Variants in CHD8 observed in about 807,000 individuals in gnomAD.
The protein encoded by CHD8 is chromodomain helicase DNA binding protein 8, also known as ATP-dependent chromatin remodeler CHD8.
Under a neutral mutation model 279.2 loss-of-function variants are expected in CHD8, and 31 were observed. That is an observed-to-expected ratio of 0.11 (90% CI 0.08 to 0.15). The LOEUF is 0.15. CHD8 is among the 10% of genes least tolerant of loss of function. CHD8 has a pLI of 1.00. For missense variants in CHD8, 2,146 were observed against 3,230.5 expected (o/e 0.66, Z 8.14); for synonymous variants, 1,081 against 1,139.6 (o/e 0.95, Z 1.04).
chr14:21,397,966 G>C lies in CHD8; in HGVS notation c.4922-14C>G. 1 of 1,591,672 alleles carries C rather than the reference G, an allele frequency of 6.3e-7. No individual in the cohort carries two copies. The highest frequency in any genetic ancestry group is 8.6e-7 in the Non-Finnish European group (1 of 1,167,442). ...ATTTCTCATAGCCTAGAAGAAAAAG[G>C]GTCATAGTTGAAGAAAATGAGATTT... On this transcript the variant is annotated splice_polypyrimidine_tract_variant and intron_variant, in intron 26 of 37. Coordinates refer to ENST00000646647, the MANE Select transcript of CHD8 (RefSeq NM_001170629.2).
Position 21,426,229 on chromosome 14 carries a change from C to T in CHD8, c.1615G>A (p.Val539Ile). The T allele has an allele frequency of 3.8e-6, 6 of 1,588,594 alleles. No individual in the cohort carries two copies. Among genetic ancestry groups the T allele is most frequent in the Non-Finnish European group, 5.2e-6 (6 of 1,161,664 alleles). Residue 539 changes from valine to isoleucine, a missense_variant, in exon 5 of 38, where the codon GTA (valine) becomes ATA (isoleucine). Physicochemically the swap from Val to Ile is conservative, Grantham distance 29. This residue lies in a region of CHD8 where 123 missense variants were observed against 169.2 expected (regional missense o/e 0.73). Coordinates refer to ENST00000646647, the MANE Select transcript of CHD8 (RefSeq NM_001170629.2). ...TTACGTTTTCTCTTCTTACCCACTA[C>T]AGGAGTGATGGTGCTAAAAAGGAAA... ...GKSKLNTITP[V>I]VGKKRKRNTS...
intron 1 of CHD8, among the ~76,000 whole-genome samples, chr14:21,452,670 T>C (rs1890284914): frequency 6.7e-6 from 1 of 149,178 alleles, no homozygotes; most frequent in Non-Finnish European, 1.5e-5. Flanking sequence ...GAAAACTTCA[T>C]ACAACAATCC....
At chr14:21,399,823 C>A in intron 25 of CHD8, 118 bp from the exon 26 acceptor site, 1 of 929,676 alleles carries the variant, frequency 1.1e-6, no homozygotes, top group Non-Finnish European at 1.8e-6. Context: ...CATGCATCTA[C>A]CCTATTTCCT....
chr14:21,447,072 T>C (rs1262439755), intron 1 of CHD8, among the ~76,000 whole-genome samples: 4 of 152,202 alleles, frequency 2.6e-5, no homozygotes, highest in African/African-American at 9.6e-5. Context: ...GCCAAAGCAA[T>C]GGCTTCCCTC....
intron 26 of CHD8, chr14:21,399,379 A>C (rs760797968): frequency 2.1e-5 from 11 of 516,116 alleles, no homozygotes; most frequent in Non-Finnish European, 3.9e-5. Context: ...AACAGATGGG[A>C]GGCTCCCTAC....
At position 21,415,360 on chromosome 14, in the gene CHD8, C is replaced by T. The variant is rs925071978; in HGVS notation, c.1968+214G>A. The T allele has an allele frequency of 1.8e-4, 59 of 333,894 alleles. 1 individual carries two copies. In the East Asian group the frequency reaches 2.9e-3, roughly 17 times the overall value. The allele number at this position is 333,894 out of a possible 1,614,324, so 20.7% of individuals were successfully genotyped here. The stretch of plus-strand genomic sequence containing the variant: ...AATATTAAGATAGAGAAAAGCCAGG[C>T]GCAGTGGTGCACAATGGTAGTCCCA... On this transcript the variant is annotated intron_variant, in intron 7 of 37. Coordinates refer to ENST00000646647, the MANE Select transcript of CHD8 (RefSeq NM_001170629.2).
At position 21,403,817 on chromosome 14, in the gene CHD8, G is replaced by A. The variant is rs1343240671; in HGVS notation, c.3308-154C>T. Reference sequence around the variant, plus strand: ...TTTCAGCACAAAAAAGTCTTAAATCGGCTGGGTACGGTGGCTCATGCCTGT... The same window carrying A: ...TTTCAGCACAAAAAAGTCTTAAATCAGCTGGGTACGGTGGCTCATGCCTGT... On this transcript the variant is annotated intron_variant, in intron 16 of 37. Coordinates refer to ENST00000646647, the MANE Select transcript of CHD8 (RefSeq NM_001170629.2). The surrounding 1 kb of genome is among the most constrained non-coding windows in gnomAD (Gnocchi z 4.3). Among the ~76,000 whole-genome samples, 2 of 152,128 alleles carry A rather than the reference G, an allele frequency of 1.3e-5. No homozygotes were observed. The highest frequency in any genetic ancestry group is 2.1e-4 in the South Asian group (1 of 4,822).
Position 21,413,542 on chromosome 14 carries a change from C to T in CHD8, c.2143-546G>A, listed in dbSNP as rs552128395. The stretch of plus-strand genomic sequence containing the variant: ...CCCGAGTAGCTGGGATTACAGGTGC[C>T]CGCCACTATGACCGGCTAATTTTTG... On this transcript the variant is annotated intron_variant, in intron 9 of 37. Transcript: ENST00000646647. 2.3e-3 allele frequency among the ~76,000 whole-genome samples: 350 copies of T among 151,912 alleles called. 1 individual carries two copies. Among genetic ancestry groups the T allele is most frequent in the Non-Finnish European group, 4.0e-3 (274 of 67,888 alleles).
At chr14:21,392,935 A>G (rs1887613753) in intron 33 of CHD8, 126 bp from the exon 34 acceptor site, 1 of 1,229,248 alleles carries the variant, frequency 8.1e-7, no homozygotes, top group Non-Finnish European at 1.1e-6. Flanking sequence ...GAGGAAGTTA[A>G]TACTATTAAG....
At chr14:21,440,731 GACA>G (rs747556734) in intron 1 of CHD8, among the ~76,000 whole-genome samples, 3 of 152,302 alleles carry the variant, frequency 2.0e-5, no homozygotes, top group Non-Finnish European at 4.4e-5. Context: ...AAGCCGAAGG[GACA>G]GGTAAGGGCC....
intron 1 of CHD8, among the ~76,000 whole-genome samples, chr14:21,455,388 C>A (rs1999139): frequency 0.94 from 142,304 of 152,174 alleles, 66,713 homozygotes; most frequent in African/African-American, 0.98. Flanking sequence ...CTATCAGTGA[C>A]GAGTTTACAT....
chr14:21,428,321 C>T, intron 3 of CHD8, 67 bp from the exon 4 acceptor site: 1 of 1,468,554 alleles, frequency 6.8e-7, no homozygotes, highest in Non-Finnish European at 9.3e-7. Flanking sequence ...AAATCCAGCT[C>T]TGAAGCAGGG....
At chr14:21,419,707 C>T in intron 5 of CHD8, 1 of 225,548 alleles carries the variant, frequency 4.4e-6, no homozygotes, top group Non-Finnish European at 9.2e-6. Flanking sequence ...CATGCAGCTA[C>T]AGGACAACCC....
At chr14:21,388,955 C>T (rs879407386) in intron 37 of CHD8, among the ~76,000 whole-genome samples, 4 of 152,126 alleles carry the variant, frequency 2.6e-5, no homozygotes, top group Non-Finnish European at 5.9e-5. Flanking sequence ...AAGTGCTAAT[C>T]CATTTTAAAT....
At chr14:21,421,911 G>A (rs1889061617) in intron 5 of CHD8, among the ~76,000 whole-genome samples, 1 of 152,196 alleles carries the variant, frequency 6.6e-6, no homozygotes, top group African/African-American at 2.4e-5. Flanking sequence ...AGACACCAGG[G>A]ATGTGTACCA....
Position 21,394,131 on chromosome 14 carries a change from G to A in CHD8, c.5664C>T (p.Tyr1888=), listed in dbSNP as rs940692609. The A allele has an allele frequency of 1.9e-6, 3 of 1,612,024 alleles. No individual in the cohort carries two copies. The highest frequency in any genetic ancestry group is 2.5e-6 in the Non-Finnish European group (3 of 1,178,742). ...ITEERASRTL[Y]RIELLRRLRE... Reference sequence around the variant, plus strand: ...GTAAGCGCCGAAGCAATTCTATACGGTAGAGAGTCCGTGAGGCTCTCTCCT... The same window carrying A: ...GTAAGCGCCGAAGCAATTCTATACGATAGAGAGTCCGTGAGGCTCTCTCCT... The change falls in exon 32 of 38, where the codon TAC becomes TAT. Residue 1888 remains tyrosine (Y), a synonymous_variant. Transcript: ENST00000646647.
Position 21,431,660 on chromosome 14 carries a change from A to C in CHD8, c.-17T>G, listed in dbSNP as rs1889568882. The C allele has an allele frequency of 6.5e-7, 1 of 1,535,528 alleles. No homozygotes were observed. Among genetic ancestry groups the C allele is most frequent in the African/African-American group, 1.4e-5 (1 of 72,944 alleles). On this transcript the variant is annotated 5_prime_UTR_variant, in exon 2 of 38. Coordinates refer to ENST00000646647, the MANE Select transcript of CHD8 (RefSeq NM_001170629.2). ...GTCTGCCATCTTGGGAAAGTAATGG[A>C]GGGTACTTCTCCAAGGTCTAGGGAG...
Position 21,395,801 on chromosome 14 carries a change from A to C in CHD8, c.5127+16T>G. The C allele has an allele frequency of 6.6e-7, 1 of 1,509,618 alleles. No individual in the cohort carries two copies. Among genetic ancestry groups the C allele is most frequent in the South Asian group, 1.2e-5 (1 of 85,914 alleles). The allele number at this position is 1,509,618 out of a possible 1,614,324, so 93.5% of individuals were successfully genotyped here. A position where few individuals can be genotyped will look rare whatever the true frequency, so the allele number is the denominator to read the frequency against. On this transcript the variant is annotated intron_variant, in intron 28 of 37. Coordinates refer to ENST00000646647, the MANE Select transcript of CHD8 (RefSeq NM_001170629.2). ...TAGTAATAGAGAAAAGTGAGACTCA[A>C]ATGAGAATTCCTTACCTCATCATCT...
intron 10 of CHD8, 130 bp from the exon 11 acceptor site, chr14:21,410,118 C>T: frequency 1.3e-6 from 1 of 797,968 alleles, no homozygotes; most frequent in Non-Finnish European, 1.9e-6. Context: ...AAAGTCAGGC[C>T]AAACACATCG....
Sources: gnomAD v4.1 joint callset for allele counts (sites outside exome capture counted in the v4.1 genomes callset) on GRCh38, gnomAD v4.1.1 for gene constraint, gnomAD v4.1.1 regional missense constraint, Gnocchi (gnomAD v3.1) non-coding constraint, MANE v1.5 for transcripts, NCBI Gene and HGNC (gene_info 2026-07-23, HGNC 2026-07-21) for gene names.